The following SCD variants were observed in gnomAD, a reference collection of about 807,000 sequenced individuals.
SCD encodes the protein acyl-CoA desaturase.
Under a neutral mutation model 35.7 loss-of-function variants are expected in SCD, and 4 were observed. That is an observed-to-expected ratio of 0.11 (90% CI 0.06 to 0.26). The LOEUF (loss-of-function observed/expected upper bound fraction) is 0.26, where lower values mean the gene tolerates loss of function less well. SCD is among the 10% of genes least tolerant of loss of function. SCD has a pLI of 1.00. For missense variants in SCD, 282 were observed against 460.7 expected (o/e 0.61, Z 3.55); for synonymous variants, 150 against 170.2 (o/e 0.88, Z 0.92).
In SCD at chr10:100,363,839, T is replaced by TGG. The variant is rs201913197; in HGVS notation, c.*2911_*2912dup. On this transcript the variant is annotated 3_prime_UTR_variant, in exon 6 of 6. Coordinates refer to ENST00000370355, the MANE Select transcript of SCD (RefSeq NM_005063.5). ...TCCGGATTTCTAACAGTCCTTGCTT[T>TGG]GGGGGGTGTGCTGACAACTTAGCTC... The TGG allele has an allele frequency of 5.2e-5, 8 of 152,726 alleles. No individual in the cohort carries two copies. Among genetic ancestry groups the TGG allele is most frequent in the African/African-American group, 1.7e-4 (7 of 41,550 alleles). The allele number at this position is 152,726 out of a possible 1,614,324, so 9.5% of individuals were successfully genotyped here. A position where few individuals can be genotyped will look rare whatever the true frequency, so the allele number is the denominator to read the frequency against.
chr10:100,354,605 C>T lies in SCD; in HGVS notation c.620C>T (p.Ala207Val), dbSNP rs769220977. 1.2e-6 allele frequency: 2 copies of T among 1,614,154 alleles called. No individual in the cohort carries two copies. The highest frequency in any genetic ancestry group is 8.5e-7 in the Non-Finnish European group (1 of 1,180,008). ...ACGCTAGACTTGTCTGACCTAGAAG[C>T]TGAGAAACTGGTGATGTTCCAGAGG... ...GSTLDLSDLE[A>V]EKLVMFQRRY... The change falls in exon 4 of 6, where the codon GCT (alanine) becomes GTT (valine). Residue 207 changes from alanine (A) to valine (V), a missense_variant. By Grantham distance (64) the Ala-to-Val change is moderately conservative (BLOSUM62 0). Around this residue, in one of 2 missense-constraint regions of SCD, gnomAD observed 205 missense variants for 372.3 expected, o/e 0.55. Transcript: ENST00000370355.
At chr10:100,350,818 T>C (rs1483918587) in intron 2 of SCD, among the ~76,000 whole-genome samples, 1 of 152,156 alleles carries the variant, frequency 6.6e-6, no homozygotes. Context: ...AGGTAGATAC[T>C]GTATCTGGGG....
chr10:100,356,897 G>A lies in SCD; in HGVS notation c.880+133G>A. ...CTCAGTTTTTCCACTATAAAATTAGGGGGCAGTATACTGGAAAACGCTTTT... is the reference window on the plus strand; with the variant it reads ...CTCAGTTTTTCCACTATAAAATTAGAGGGCAGTATACTGGAAAACGCTTTT... On this transcript the variant is annotated intron_variant, in intron 5 of 5. Transcript: ENST00000370355. The surrounding 1 kb of genome is among the most constrained non-coding windows in gnomAD (Gnocchi z 4.1). 2.9e-6 allele frequency: 2 copies of A among 694,224 alleles called. No homozygotes were observed. Among genetic ancestry groups the A allele is most frequent in the Non-Finnish European group, 2.5e-6 (1 of 406,762 alleles). 43.0% of individuals were successfully genotyped at this position (694,224 alleles called of 1,614,324 possible).
At chr10:100,350,702 C>T (rs1489708407) in intron 2 of SCD, among the ~76,000 whole-genome samples, 1 of 152,208 alleles carries the variant, frequency 6.6e-6, no homozygotes, top group Non-Finnish European at 1.5e-5. Flanking sequence ...TATATACGTT[C>T]TGAGTCAACA....
In SCD at chr10:100,357,045, G is replaced by A. The variant is rs531805022; in HGVS notation, c.880+281G>A. 2.4e-4 allele frequency among the ~76,000 whole-genome samples: 36 copies of A among 152,324 alleles called. No homozygotes were observed. In the East Asian group the frequency reaches 6.7e-3, roughly 29 times the overall value. On this transcript the variant is annotated intron_variant, in intron 5 of 5. Coordinates refer to ENST00000370355, the MANE Select transcript of SCD (RefSeq NM_005063.5). Reference sequence around the variant, plus strand: ...ATGCCATGTATGCTCCGGGCCCGGCGGCTCATGCCTGTAATCCCAGCACTT... The same window carrying A: ...ATGCCATGTATGCTCCGGGCCCGGCAGCTCATGCCTGTAATCCCAGCACTT...
intron 2 of SCD, among the ~76,000 whole-genome samples, chr10:100,348,637 C>G (rs1199450937): frequency 1.2e-4 from 18 of 152,254 alleles, no homozygotes; most frequent in Admixed American, 8.5e-4. Flanking sequence ...CTGTTTGAGT[C>G]ATTTGCTTGG....
chr10:100,353,792 GC>G (rs1849896763), intron 3 of SCD, among the ~76,000 whole-genome samples: 1 of 152,208 alleles, frequency 6.6e-6, no homozygotes, highest in Non-Finnish European at 1.5e-5. Flanking sequence ...TGCCATAGCA[GC>G]TTATACCTTG....
intron 1 of SCD, 71 bp downstream of exon 1, chr10:100,347,602 T>A: frequency 6.3e-7 from 1 of 1,580,638 alleles, no homozygotes. Flanking sequence ...GACGGGTTGG[T>A]GGCAGAAGAG....
chr10:100,349,695 G>T (rs1849851284), intron 2 of SCD, among the ~76,000 whole-genome samples: 3 of 152,148 alleles, frequency 2.0e-5, no homozygotes. Context: ...GGTTACATAT[G>T]TGTCACAGCC....
At chr10:100,348,400 T>C in intron 2 of SCD, 54 bp downstream of exon 2, 3 of 1,548,170 alleles carry the variant, frequency 1.9e-6, no homozygotes, top group Non-Finnish European at 2.6e-6. Context: ...CACTGCTCTT[T>C]TAATAAGGTA....
Position 100,352,551 on chromosome 10 carries a change from G to T in SCD, c.441+55G>T, listed in dbSNP as rs1399634154. On this transcript the variant is annotated intron_variant, in intron 3 of 5. Transcript: ENST00000370355. The surrounding 1 kb of genome is among the most constrained non-coding windows in gnomAD (Gnocchi z 4.2). ...TCCTCCACACTATTAATGATCCGGG[G>T]ACAGAAAGGAGGGATCAGCACCAGA... 6 of 1,567,920 alleles carry T rather than the reference G, an allele frequency of 3.8e-6. No homozygotes were observed. The highest frequency in any genetic ancestry group is 4.4e-6 in the Non-Finnish European group (5 of 1,147,690).
At position 100,361,266 on chromosome 10, in the gene SCD, A is replaced by G. The variant is rs201198199; in HGVS notation, c.*333A>G. The G allele has an allele frequency of 6.6e-4, 198 of 300,756 alleles. 1 individual carries two copies. Among genetic ancestry groups the G allele is most frequent in the Non-Finnish European group, 1.9e-4 (31 of 159,348 alleles). 18.6% of individuals were successfully genotyped at this position (300,756 alleles called of 1,614,324 possible). A position where few individuals can be genotyped will look rare whatever the true frequency, so the allele number is the denominator to read the frequency against. ...GTGTCCAGCTTCCAAAGCCTAGACA[A>G]CCTTTCTGTAGCCTAAAACGAATGG... On this transcript the variant is annotated 3_prime_UTR_variant, in exon 6 of 6. Transcript: ENST00000370355.
chr10:100,352,326 C>A lies in SCD; in HGVS notation c.311-40C>A. 1 of 1,604,976 alleles carries A rather than the reference C, an allele frequency of 6.2e-7. No homozygotes were observed. On this transcript the variant is annotated intron_variant, in intron 2 of 5. Coordinates refer to ENST00000370355, the MANE Select transcript of SCD (RefSeq NM_005063.5). The surrounding 1 kb of genome is among the most constrained non-coding windows in gnomAD (Gnocchi z 4.2). ...CTGGCATCCTTTCCCAGATGGAACT[C>A]ACACTGATTGGTGACTCCCCCACTG...
At position 100,352,303 on chromosome 10, in the gene SCD, G is replaced by A; in HGVS notation, c.311-63G>A. On this transcript the variant is annotated intron_variant, in intron 2 of 5. Transcript: ENST00000370355. The surrounding 1 kb of genome is among the most constrained non-coding windows in gnomAD (Gnocchi z 4.2). Reference sequence around the variant, plus strand: ...TTTCTAGCATCCAGAGAGTGTCTCTGGCATCCTTTCCCAGATGGAACTCAC... The same window carrying A: ...TTTCTAGCATCCAGAGAGTGTCTCTAGCATCCTTTCCCAGATGGAACTCAC... 1.9e-6 allele frequency: 3 copies of A among 1,554,598 alleles called. No individual in the cohort carries two copies. Among genetic ancestry groups the A allele is most frequent in the Non-Finnish European group, 2.6e-6 (3 of 1,137,216 alleles).
rs1377773156 is a variant in SCD at position 100,352,352 on chromosome 10, T to A, written c.311-14T>A. The stretch of plus-strand genomic sequence containing the variant: ...ACACTGATTGGTGACTCCCCCACTG[T>A]CTTCTCCTGGCAGGGGTATTCTACT... On this transcript the variant is annotated splice_polypyrimidine_tract_variant and intron_variant, in intron 2 of 5. Transcript: ENST00000370355. The surrounding 1 kb of genome is among the most constrained non-coding windows in gnomAD (Gnocchi z 4.2). The A allele has an allele frequency of 1.2e-6, 2 of 1,612,570 alleles. No homozygotes were observed. The highest frequency in any genetic ancestry group is 4.5e-5 in the East Asian group (2 of 44,848).
At chr10:100,358,500 G>C (rs1349367141) in intron 5 of SCD, among the ~76,000 whole-genome samples, 1 of 149,402 alleles carries the variant, frequency 6.7e-6, no homozygotes, top group Admixed American at 6.7e-5. Context: ...GCTGAGGCAG[G>C]AGAATGGCGT....
intron 1 of SCD, 122 bp downstream of exon 1, chr10:100,347,653 T>C: frequency 9.4e-7 from 1 of 1,060,214 alleles, no homozygotes; most frequent in East Asian, 2.5e-5. Context: ...CTTTTTCGAG[T>C]TGTGCTGCCT....
chr10:100,354,662 A>G (rs775357551), intron 4 of SCD, 30 bp downstream of exon 4: 2 of 1,572,634 alleles, frequency 1.3e-6, no homozygotes, highest in South Asian at 1.1e-5. Context: ...AGGTGGGGAT[A>G]TGGCCCTGGC....
At position 100,362,585 on chromosome 10, in the gene SCD, A is replaced by T. The variant is rs1176536309; in HGVS notation, c.*1652A>T. Reference sequence around the variant, plus strand: ...GGCAGCCTCCTTTGTGTGTATTCAGAGGCAGTGATGACTTGCTGTCCAGGC... The same window carrying T: ...GGCAGCCTCCTTTGTGTGTATTCAGTGGCAGTGATGACTTGCTGTCCAGGC... On this transcript the variant is annotated 3_prime_UTR_variant, in exon 6 of 6. Transcript: ENST00000370355. 6.6e-6 allele frequency: 1 copy of T among 152,210 alleles called. No homozygotes were observed. Among genetic ancestry groups the T allele is most frequent in the Non-Finnish European group, 1.5e-5 (1 of 68,076 alleles). The allele number at this position is 152,210 out of a possible 1,614,324, so 9.4% of individuals were successfully genotyped here. A position where few individuals can be genotyped will look rare whatever the true frequency, so the allele number is the denominator to read the frequency against.
Sources: gnomAD v4.1 joint callset for allele counts (sites outside exome capture counted in the v4.1 genomes callset) on GRCh38, gnomAD v4.1.1 for gene constraint, gnomAD v4.1.1 regional missense constraint, Gnocchi (gnomAD v3.1) non-coding constraint, MANE v1.5 for transcripts, NCBI Gene and HGNC (gene_info 2026-07-23, HGNC 2026-07-21) for gene names.